Variants in EBF1 observed in about 807,000 individuals in gnomAD.
EBF1 encodes transcription factor COE1.
A neutral mutation model predicts 68.4 loss-of-function variants in EBF1; 10 were observed. That is an observed-to-expected ratio of 0.15 (90% CI 0.09 to 0.25). The LOEUF (loss-of-function observed/expected upper bound fraction) is 0.25. EBF1 is among the 10% of genes least tolerant of loss of function. The pLI, the probability that EBF1 is intolerant of heterozygous loss-of-function variation, is 1.00. For missense variants in EBF1, 509 were observed against 794.4 expected (o/e 0.64, Z 4.32); for synonymous variants, 298 against 299.8 (o/e 0.99, Z 0.06).
At chr5:158,956,039 TGTGTG>T (rs1817007709) in intron 6 of EBF1, among the ~76,000 whole-genome samples, 1 of 122,176 alleles carries the variant, frequency 8.2e-6, no homozygotes, top group Non-Finnish European at 1.8e-5. Context: ...TGTGTGTGTG[TGTGTG>T]TGTGTGTGTG....
chr5:158,860,748 CT>C (rs1314148924), intron 6 of EBF1, among the ~76,000 whole-genome samples: 1 of 152,292 alleles, frequency 6.6e-6, no homozygotes, highest in East Asian at 1.9e-4. Flanking sequence ...TCCTTCTCCC[CT>C]TCAGTCCAAG....
chr5:159,045,435 AAG>A (rs1356001020), intron 6 of EBF1, among the ~76,000 whole-genome samples: 4 of 128,630 alleles, frequency 3.1e-5, no homozygotes, highest in African/African-American at 1.3e-4. Context: ...TTAAAAGAAG[AAG>A]AAAAAAAAAA....
chr5:158,856,987 A>G (rs1422012569), intron 6 of EBF1, among the ~76,000 whole-genome samples: 2 of 109,294 alleles, frequency 1.8e-5, no homozygotes, highest in Non-Finnish European at 4.4e-5. Flanking sequence ...GAGAAAAAAC[A>G]AAACAAAACA....
At chr5:158,932,510 G>A (rs1811106614) in intron 6 of EBF1, among the ~76,000 whole-genome samples, 1 of 151,988 alleles carries the variant, frequency 6.6e-6, no homozygotes, top group African/African-American at 2.4e-5. Flanking sequence ...TAAAGTGAAA[G>A]GCAATTTTAA....
intron 7 of EBF1, among the ~76,000 whole-genome samples, chr5:158,834,752 C>T (rs1788367644): frequency 6.6e-6 from 1 of 152,212 alleles, no homozygotes; most frequent in Non-Finnish European, 1.5e-5. Flanking sequence ...TTCTTATGTC[C>T]TCCTCAGTCA....
chr5:158,938,354 C>G (rs901146029), intron 6 of EBF1, among the ~76,000 whole-genome samples: 3 of 152,198 alleles, frequency 2.0e-5, no homozygotes, highest in Non-Finnish European at 4.4e-5. Context: ...CTCCCCTCCT[C>G]TGCTCCAGCA....
At chr5:158,818,176 A>G (rs1257505796) in intron 8 of EBF1, among the ~76,000 whole-genome samples, 1 of 152,194 alleles carries the variant, frequency 6.6e-6, no homozygotes, top group African/African-American at 2.4e-5. Context: ...TCCTCCTTCT[A>G]TCCTCTTGTT....
intron 6 of EBF1, among the ~76,000 whole-genome samples, chr5:158,852,855 C>T (rs533620895): frequency 6.6e-6 from 1 of 152,264 alleles, no homozygotes; most frequent in Non-Finnish European, 1.5e-5. Flanking sequence ...GCTTGCCCTC[C>T]CCGCATGTCA....
At chr5:158,786,480 C>T (rs865797841) in intron 9 of EBF1, among the ~76,000 whole-genome samples, 3 of 151,192 alleles carry the variant, frequency 2.0e-5, no homozygotes, top group Non-Finnish European at 4.4e-5. Flanking sequence ...CCAGTTGGGC[C>T]CCATTAAAGA....
chr5:158,872,852 G>C (rs9313794), intron 6 of EBF1, among the ~76,000 whole-genome samples: 58,662 of 152,022 alleles, frequency 0.39, 12,209 homozygotes, highest in South Asian at 0.64. Context: ...GTGCTAAGCT[G>C]TTACAATATG....
At chr5:159,087,445 TATATATACACACACACAC>T (rs1780922398) in intron 4 of EBF1, among the ~76,000 whole-genome samples, 1 of 149,610 alleles carries the variant, frequency 6.7e-6, no homozygotes, top group African/African-American at 2.5e-5. Context: ...TATATACATA[TATATATACACACACACAC>T]ATATATACAC....
chr5:158,889,614 A>G lies in EBF1; in HGVS notation c.555-49504T>C, dbSNP rs577443490. Among the ~76,000 whole-genome samples, 19 of 152,320 alleles carry G rather than the reference A, an allele frequency of 1.2e-4. No individual in the cohort carries two copies. The South Asian group carries it at 3.9e-3, about 32-fold the overall frequency. The stretch of plus-strand genomic sequence containing the variant: ...CCTAATTCATTAGTGAAACTGGACA[A>G]CTAAAGGTTTCTAGAATCTAGAGCA... On this transcript the variant is annotated intron_variant, in intron 6 of 15. Transcript: ENST00000313708.
intron 11 of EBF1, among the ~76,000 whole-genome samples, chr5:158,716,274 G>A (rs1405533042): frequency 6.6e-6 from 1 of 151,162 alleles, no homozygotes; most frequent in Non-Finnish European, 1.5e-5. Context: ...TTCTCCTTAT[G>A]TCGATATCCA....
chr5:158,864,807 T>C (rs1052299482), intron 6 of EBF1, among the ~76,000 whole-genome samples: 1 of 152,004 alleles, frequency 6.6e-6, no homozygotes. Context: ...TTCCAGTTAG[T>C]GCAAAGGCCA....
intron 6 of EBF1, among the ~76,000 whole-genome samples, chr5:159,064,840 C>T (rs1022568168): frequency 6.7e-6 from 1 of 150,106 alleles, no homozygotes; most frequent in Non-Finnish European, 1.5e-5. Context: ...GAACCCTTAA[C>T]CAACTTTCTT....
At chr5:159,098,627 A>C (rs1346424899) in intron 1 of EBF1, among the ~76,000 whole-genome samples, 1 of 151,676 alleles carries the variant, frequency 6.6e-6, no homozygotes, top group Non-Finnish European at 1.5e-5. Flanking sequence ...GAAGGAAAAG[A>C]GTGAGGGAGA....
intron 6 of EBF1, among the ~76,000 whole-genome samples, chr5:159,035,626 G>C (rs894377632): frequency 6.6e-6 from 1 of 152,192 alleles, no homozygotes; most frequent in African/African-American, 2.4e-5. Context: ...CTAAGCTTCA[G>C]CTTTCCTCAC....
intron 6 of EBF1, among the ~76,000 whole-genome samples, chr5:158,996,129 T>C (rs1349458664): frequency 1.3e-5 from 2 of 152,174 alleles, no homozygotes; most frequent in Non-Finnish European, 2.9e-5. Flanking sequence ...ACACAGGACT[T>C]ATCTGGAATT....
chr5:159,096,268 C>T, intron 3 of EBF1, 75 bp downstream of exon 3: 2 of 1,455,784 alleles, frequency 1.4e-6, no homozygotes, highest in South Asian at 1.2e-5. Flanking sequence ...GGATTTCGTC[C>T]ACCTGGAGCT....
Sources: gnomAD v4.1 joint callset for allele counts (sites outside exome capture counted in the v4.1 genomes callset) on GRCh38, gnomAD v4.1.1 for gene constraint, MANE v1.5 for transcripts, NCBI Gene and HGNC (gene_info 2026-07-23, HGNC 2026-07-21) for gene names.